Variants in RALYL observed in about 807,000 individuals in gnomAD.
RALYL encodes RNA-binding Raly-like protein.
In RALYL, 29 loss-of-function variants were observed where a neutral mutation model predicts 35.1. That is an observed-to-expected ratio of 0.83 (90% CI 0.61 to 1.13). RALYL has a LOEUF of 1.13. RALYL is among the 50% of genes most tolerant of loss of function. RALYL has a pLI of 0.00. For missense variants in RALYL, 359 were observed against 360.4 expected (o/e 1.00, Z 0.03); for synonymous variants, 120 against 127.6 (o/e 0.94, Z 0.40).
chr8:84,660,755 T>C (rs1830748150), intron 2 of RALYL, among the ~76,000 whole-genome samples: 1 of 152,048 alleles, frequency 6.6e-6, no homozygotes, highest in Non-Finnish European at 1.5e-5. Flanking sequence ...TGTGTAAATG[T>C]AGAATTCACT....
At chr8:84,406,008 C>A (rs1221653306) in intron 1 of RALYL, among the ~76,000 whole-genome samples, 1 of 141,968 alleles carries the variant, frequency 7.0e-6, no homozygotes, top group Non-Finnish European at 1.5e-5. Flanking sequence ...CAATTGCAGA[C>A]TTTTGTTAAA....
At chr8:84,501,182 G>A (rs2056617602) in intron 1 of RALYL, among the ~76,000 whole-genome samples, 1 of 152,134 alleles carries the variant, frequency 6.6e-6, no homozygotes, top group Non-Finnish European at 1.5e-5. Flanking sequence ...CCAGGAGGTA[G>A]TTCTAAGCAA....
intron 1 of RALYL, among the ~76,000 whole-genome samples, chr8:84,228,975 G>A (rs1398143811): frequency 1.3e-5 from 2 of 152,186 alleles, no homozygotes; most frequent in Non-Finnish European, 1.5e-5. Context: ...TGAGATTTGG[G>A]TGGGAACAGA....
At chr8:84,495,700 C>CTT (rs1311982680) in intron 1 of RALYL, among the ~76,000 whole-genome samples, 1 of 151,946 alleles carries the variant, frequency 6.6e-6, no homozygotes, top group Non-Finnish European at 1.5e-5. Context: ...GGGTACTCAC[C>CTT]TTTCTTTTTT....
intron 6 of RALYL, among the ~76,000 whole-genome samples, chr8:84,871,261 CTA>C (rs2135211270): frequency 6.6e-6 from 1 of 152,166 alleles, no homozygotes; most frequent in African/African-American, 2.4e-5. Flanking sequence ...CCAGATGAGT[CTA>C]TATTGTTTTC....
intron 1 of RALYL, among the ~76,000 whole-genome samples, chr8:84,440,431 A>G (rs2048209589): frequency 6.6e-6 from 1 of 152,020 alleles, no homozygotes; most frequent in African/African-American, 2.4e-5. Flanking sequence ...AATCGTTTGT[A>G]CTTTGTACAG....
chr8:84,267,717 G>C (rs1000131286), intron 1 of RALYL, among the ~76,000 whole-genome samples: 1 of 152,186 alleles, frequency 6.6e-6, no homozygotes, highest in East Asian at 1.9e-4. Context: ...CTGTTTATTA[G>C]TTGAATATTT....
intron 4 of RALYL, among the ~76,000 whole-genome samples, chr8:84,827,716 T>A (rs530277816): frequency 2.0e-5 from 3 of 152,200 alleles, no homozygotes; most frequent in African/African-American, 7.2e-5. Flanking sequence ...TCCACTCAAT[T>A]TTGTAATATT....
chr8:84,904,153 CTG>C (rs1308262735), intron 8 of RALYL, among the ~76,000 whole-genome samples: 1 of 152,094 alleles, frequency 6.6e-6, no homozygotes, highest in African/African-American at 2.4e-5. Context: ...TGGAGTATGA[CTG>C]GAGTATTAAA....
chr8:84,317,756 A>G (rs1844027598), intron 1 of RALYL, among the ~76,000 whole-genome samples: 1 of 152,162 alleles, frequency 6.6e-6, no homozygotes, highest in South Asian at 2.1e-4. Context: ...AAATTTTTGA[A>G]GAGGGAAGTG....
At chr8:84,577,664 A>G (rs1809789623) in intron 2 of RALYL, among the ~76,000 whole-genome samples, 1 of 152,124 alleles carries the variant, frequency 6.6e-6, no homozygotes, top group Admixed American at 6.5e-5. Context: ...TATTGTACTT[A>G]TTGCATTTTG....
At chr8:84,473,818 T>C (rs1161608217) in intron 1 of RALYL, among the ~76,000 whole-genome samples, 1 of 151,998 alleles carries the variant, frequency 6.6e-6, no homozygotes, top group East Asian at 1.9e-4. Context: ...ATATCTGATC[T>C]ATCATGTGAA....
chr8:84,197,640 A>G (rs1445247253), intron 1 of RALYL, among the ~76,000 whole-genome samples: 1 of 151,938 alleles, frequency 6.6e-6, no homozygotes, highest in African/African-American at 2.4e-5. Context: ...TATGAAACTT[A>G]TTTTGGGGCC....
intron 1 of RALYL, among the ~76,000 whole-genome samples, chr8:84,500,419 T>C (rs1392703512): frequency 6.6e-6 from 1 of 152,204 alleles, no homozygotes; most frequent in Admixed American, 6.6e-5. Flanking sequence ...TACTGCTATT[T>C]AAGACCTTAC....
chr8:84,425,417 G>A (rs2046284685), intron 1 of RALYL, among the ~76,000 whole-genome samples: 1 of 152,108 alleles, frequency 6.6e-6, no homozygotes, highest in Non-Finnish European at 1.5e-5. Context: ...CTCGCGCACG[G>A]TGCGCTCACC....
At chr8:84,435,957 G>A (rs180897370) in intron 1 of RALYL, among the ~76,000 whole-genome samples, 2 of 152,228 alleles carry the variant, frequency 1.3e-5, no homozygotes, top group African/African-American at 4.8e-5. Context: ...AAAAGTGTCT[G>A]GAGGTGAGGG....
intron 1 of RALYL, among the ~76,000 whole-genome samples, chr8:84,216,427 A>G (rs559067797): frequency 6.6e-6 from 1 of 152,260 alleles, no homozygotes; most frequent in African/African-American, 2.4e-5. Context: ...TTTTTTAGAA[A>G]TACATTTTAT....
intron 2 of RALYL, among the ~76,000 whole-genome samples, chr8:84,588,905 G>GT (rs35376267): frequency 7.3e-4 from 109 of 150,134 alleles, no homozygotes; most frequent in Admixed American, 8.6e-4. Flanking sequence ...CATAGGACTT[G>GT]TTTTTTTTTT....
At chr8:84,479,829 A>T (rs1008535046) in intron 1 of RALYL, among the ~76,000 whole-genome samples, 2 of 152,278 alleles carry the variant, frequency 1.3e-5, no homozygotes, top group South Asian at 4.1e-4. Flanking sequence ...CCCAGGGTAG[A>T]TTACAGAATC....
Sources: allele counts gnomAD v4.1 joint callset (sites outside exome capture counted in the v4.1 genomes callset), GRCh38; gene constraint gnomAD v4.1.1; transcripts MANE v1.5; gene names NCBI Gene and HGNC (gene_info 2026-07-23, HGNC 2026-07-21).